Variants in MGAT1 observed in about 807,000 individuals in gnomAD.
The protein encoded by MGAT1 is N-glycosyl-oligosaccharide-glycoprotein N-acetylglucosaminyltransferase I.
In MGAT1, 14 loss-of-function variants were observed where a neutral mutation model predicts 31.7. The observed-to-expected ratio is 0.44, with a 90% CI of 0.29 to 0.69. The LOEUF (loss-of-function observed/expected upper bound fraction) is 0.69. Ranked by LOEUF, MGAT1 falls within the 30% of genes least tolerant of loss-of-function variation. MGAT1 has a pLI of 0.12. For synonymous variants in MGAT1, 338 were observed against 276.0 expected, an observed-to-expected ratio of 1.22 and a Z score of -2.23; for missense variants, 557 against 626.0, an observed-to-expected ratio of 0.89 and a Z score of 1.18.
intron 1 of MGAT1, among the ~76,000 whole-genome samples, chr5:180,813,601 A>G (rs1442843092): frequency 6.6e-6 from 1 of 152,184 alleles, no homozygotes; most frequent in Non-Finnish European, 1.5e-5. Flanking sequence ...TTTTGTTATC[A>G]GTTACTCCAC....
At chr5:180,808,469 T>A (rs1307415569) in intron 2 of MGAT1, 1 of 152,242 alleles carries the variant, frequency 6.6e-6, no homozygotes, top group East Asian at 1.9e-4. Flanking sequence ...CTCATCCAGC[T>A]TGGGTAAGGG....
At chr5:180,804,491 G>C (rs1261496307), upstream of MGAT1, among the ~76,000 whole-genome samples, 1 of 152,228 alleles carries the variant, frequency 6.6e-6, no homozygotes, top group East Asian at 1.9e-4. Context: ...CGGGAAGCCC[G>C]TGGCTTCCAC....
chr5:180,792,217 G>A lies in MGAT1; in HGVS notation c.755C>T (p.Ala252Val), dbSNP rs770050807. The A allele has an allele frequency of 2.5e-6, 4 of 1,613,010 alleles. No individual in the cohort carries two copies. The South Asian group carries it at 4.4e-5, about 18-fold the overall frequency. Residue 252 changes from alanine to valine, a missense_variant, in exon 2 of 2, where the codon GCC becomes GTC. Physicochemically the swap from Ala to Val is moderately conservative, Grantham distance 64 (BLOSUM62 0). This residue lies in a region of MGAT1 where 245 missense variants were observed against 332.9 expected (regional missense o/e 0.74). Coordinates refer to ENST00000307826, the MANE Select transcript of MGAT1 (RefSeq NM_002406.4). ...GCGGTAGAGCAGCTCAGGCCTGCTG[G>A]CGTCCACCATCTGCTCCTTGCCGTT... ...NDNGKEQMVDASRPELLYRTD... is the reference protein window; with the variant it reads ...NDNGKEQMVDVSRPELLYRTD...
intron 1 of MGAT1, chr5:180,795,277 G>GTATATATATATA (rs59231160): frequency 4.2e-5 from 6 of 141,970 alleles, no homozygotes; most frequent in African/African-American, 1.5e-4. Context: ...ACTTTTACAG[G>GTATATATATATA]TATATATATA....
At chr5:180,804,822 A>G (rs1771618407), upstream of MGAT1, among the ~76,000 whole-genome samples, 1 of 152,200 alleles carries the variant, frequency 6.6e-6, no homozygotes, top group African/African-American at 2.4e-5. Context: ...ATACTTCTCC[A>G]TCTAAGGCAG....
At position 180,793,039 on chromosome 5, in the gene MGAT1, T is replaced by C; in HGVS notation, c.-68A>G. The C allele has an allele frequency of 1.3e-6, 2 of 1,575,134 alleles. No individual in the cohort carries two copies. The highest frequency in any genetic ancestry group is 1.7e-6 in the Non-Finnish European group (2 of 1,158,906). The stretch of plus-strand genomic sequence containing the variant: ...GCTGCCCTGGGCTTGCCCGGCTCCC[T>C]TGCCCGCAGTCCTAGGGATGCCTCC... On this transcript the variant is annotated 5_prime_UTR_variant, in exon 2 of 2. Coordinates refer to ENST00000307826, the MANE Select transcript of MGAT1 (RefSeq NM_002406.4).
chr5:180,793,387 G>C (rs1192163850), intron 1 of MGAT1, among the ~76,000 whole-genome samples: 1 of 152,138 alleles, frequency 6.6e-6, no homozygotes, highest in Non-Finnish European at 1.5e-5. Context: ...GAGGGGAGGG[G>C]CAAGGAGTGA....
chr5:180,789,685 T>C lies in MGAT1; in HGVS notation c.*1949A>G, dbSNP rs1308354685. ...CTCTGTCGCCCAGGCTGGAGTGCAG[T>C]GGTATGATCTTGGATTACTGCAACC... On this transcript the variant is annotated 3_prime_UTR_variant, in exon 2 of 2. Coordinates refer to ENST00000307826, the MANE Select transcript of MGAT1 (RefSeq NM_002406.4). 4 of 152,084 alleles carry C rather than the reference T, an allele frequency of 2.6e-5. No individual in the cohort carries two copies. The highest frequency in any genetic ancestry group is 5.9e-5 in the Non-Finnish European group (4 of 68,042). 9.4% of individuals were successfully genotyped at this position (152,084 alleles called of 1,614,324 possible). A position where few individuals can be genotyped will look rare whatever the true frequency, so the allele number is the denominator to read the frequency against.
At chr5:180,805,741 T>G (rs1474074316), upstream of MGAT1, among the ~76,000 whole-genome samples, 1 of 151,868 alleles carries the variant, frequency 6.6e-6, no homozygotes, top group African/African-American at 2.4e-5. Flanking sequence ...CAGAGTGAGA[T>G]TCCATCTCAA....
rs890201441 is a variant in MGAT1, at chr5:180,788,033, A to T, written c.*3601T>A. 7.6e-6 allele frequency: 1 copy of T among 130,768 alleles called. No individual in the cohort carries two copies. Among genetic ancestry groups the T allele is most frequent in the Non-Finnish European group, 1.6e-5 (1 of 64,444 alleles). The allele number at this position is 130,768 out of a possible 1,614,324, so 8.1% of individuals were successfully genotyped here. On this transcript the variant is annotated 3_prime_UTR_variant, in exon 2 of 2. Transcript: ENST00000307826. ...CTGGAGGCAGAAGCAGGAATGCAGC[A>T]GCAGCAGCAGCCAGGCGCAAGGCAG...
Position 180,786,758 on chromosome 5 carries a change from G to A in MGAT1, c.*4876C>T, listed in dbSNP as rs937768785. The A allele has an allele frequency of 6.6e-6, 1 of 152,400 alleles. No individual in the cohort carries two copies. The highest frequency in any genetic ancestry group is 2.4e-5 in the African/African-American group (1 of 41,456). The allele number at this position is 152,400 out of a possible 1,614,324, so 9.4% of individuals were successfully genotyped here. A position where few individuals can be genotyped will look rare whatever the true frequency, so the allele number is the denominator to read the frequency against. Reference sequence around the variant, plus strand: ...AAGGAGCCTGGGCCCTGACGGTGGAGGAACCCCCACACCAGCCTGCACCAT... The same window carrying A: ...AAGGAGCCTGGGCCCTGACGGTGGAAGAACCCCCACACCAGCCTGCACCAT... On this transcript the variant is annotated 3_prime_UTR_variant, in exon 2 of 2. Coordinates refer to ENST00000307826, the MANE Select transcript of MGAT1 (RefSeq NM_002406.4).
At chr5:180,806,216 G>T (rs1290405509), upstream of MGAT1, among the ~76,000 whole-genome samples, 1 of 152,116 alleles carries the variant, frequency 6.6e-6, no homozygotes, top group Non-Finnish European at 1.5e-5. Context: ...AACCCAGGAG[G>T]TGGAGGTTTC....
intron 1 of MGAT1, among the ~76,000 whole-genome samples, chr5:180,796,849 T>G (rs954239009): frequency 6.6e-6 from 1 of 152,094 alleles, no homozygotes; most frequent in African/African-American, 2.4e-5. Flanking sequence ...TGACCTCAAG[T>G]GATCCACCCT....
In MGAT1 at chr5:180,785,546, A is replaced by C. The variant is rs1396170195; in HGVS notation, c.*6088T>G. 1 of 152,224 alleles carries C rather than the reference A, an allele frequency of 6.6e-6. No homozygotes were observed. Among genetic ancestry groups the C allele is most frequent in the Non-Finnish European group, 1.5e-5 (1 of 68,074 alleles). The allele number at this position is 152,224 out of a possible 1,614,324, so 9.4% of individuals were successfully genotyped here. A position where few individuals can be genotyped will look rare whatever the true frequency, so the allele number is the denominator to read the frequency against. ...CCAGCAAGGGGCTCAGGGTAGTCAG[A>C]TGTCTTCCATGAACTCCCTGGAGCT... On this transcript the variant is annotated 3_prime_UTR_variant, in exon 2 of 2. Coordinates refer to ENST00000307826, the MANE Select transcript of MGAT1 (RefSeq NM_002406.4).
intron 1 of MGAT1, among the ~76,000 whole-genome samples, chr5:180,798,780 A>G (rs1770057658): frequency 6.6e-6 from 1 of 152,226 alleles, no homozygotes; most frequent in Non-Finnish European, 1.5e-5. Context: ...ACAGAAATAA[A>G]CATGGTGGCT....
rs764686148 is a variant in MGAT1, at chr5:180,810,679, T to C, written c.-545-1613A>G. 0.022 allele frequency: 1,571 copies of C among 72,712 alleles called. 44 individuals carry two copies. The African/African-American group carries it at 0.26, about 12-fold the overall frequency. The allele number at this position is 72,712 out of a possible 1,614,324, so 4.5% of individuals were successfully genotyped here. On this transcript the variant is annotated intron_variant, in intron 1 of 2. Transcript: ENST00000333055. ...TTCTCAAAAAGGGTGACCCCCCCCC[T>C]CCGCCCCACGCTGGTCGCGGGTCCT...
chr5:180,800,539 C>T (rs1365421894), intron 1 of MGAT1, among the ~76,000 whole-genome samples: 1 of 152,320 alleles, frequency 6.6e-6, no homozygotes, highest in Middle Eastern at 3.4e-3. Context: ...CTCACTAGAA[C>T]CCCTCTATGT....
At position 180,791,220 on chromosome 5, in the gene MGAT1, G is replaced by A. The variant is rs796820188; in HGVS notation, c.*414C>T. ...TTCTCCCATAACTCAGTCCCCACTG[G>A]GGGAAGGGGAGCAGGTATAGAAGGA... On this transcript the variant is annotated 3_prime_UTR_variant, in exon 2 of 2. Transcript: ENST00000307826. The A allele has an allele frequency of 5.1e-5, 10 of 197,740 alleles. No homozygotes were observed. The highest frequency in any genetic ancestry group is 1.9e-4 in the African/African-American group (8 of 42,900). 12.2% of individuals were successfully genotyped at this position (197,740 alleles called of 1,614,324 possible).
rs187630514 is a variant in MGAT1 at position 180,814,574 on chromosome 5, C to A, written c.-546+840G>T. 3.9e-4 allele frequency among the ~76,000 whole-genome samples: 60 copies of A among 152,316 alleles called. 1 individual carries two copies. The East Asian group carries it at 9.8e-3, about 25-fold the overall frequency. Reference sequence around the variant, plus strand: ...TACACTTTCTTTCGAGATGATCCCACAGAAGTCACATGGCTTCCAGTATCC... The same window carrying A: ...TACACTTTCTTTCGAGATGATCCCAAAGAAGTCACATGGCTTCCAGTATCC... On this transcript the variant is annotated intron_variant, in intron 1 of 2. Transcript: ENST00000333055.
Sources: allele counts gnomAD v4.1 joint callset (sites outside exome capture counted in the v4.1 genomes callset), GRCh38; gene constraint gnomAD v4.1.1; regional missense constraint gnomAD v4.1.1; transcripts MANE v1.5; gene names NCBI Gene and HGNC (gene_info 2026-07-23, HGNC 2026-07-21).